CDH12: variants seen among roughly 807,000 people sequenced by gnomAD.
The protein encoded by CDH12 is cadherin 12.
In CDH12, 41 loss-of-function variants were observed where a neutral mutation model predicts 74.1. The ratio of observed to expected loss-of-function variants is 0.55; its 90% CI spans 0.43 to 0.72. The LOEUF (loss-of-function observed/expected upper bound fraction) is 0.72, where lower values mean the gene tolerates loss of function less well. CDH12 is among the 30% of genes least tolerant of loss of function. The pLI is 0.00. For missense variants in CDH12, 945 were observed against 977.2 expected (o/e 0.97, Z 0.44); for synonymous variants, 399 against 355.0 (o/e 1.12, Z -1.39).
At chr5:21,996,450 A>G (rs1174018925) in intron 5 of CDH12, among the ~76,000 whole-genome samples, 2 of 152,186 alleles carry the variant, frequency 1.3e-5, no homozygotes. Context: ...CTTAGAGAAC[A>G]TTGTTTCAAT....
rs1007284905 is a variant in CDH12, at chr5:22,769,759, G to A, written c.-523+83299C>T. ...ATGGATATAATGGGGGAGTGGGGTG[G>A]GTAACCAAAACAATACAAATAGTAT... is the stretch of plus-strand genomic sequence containing the variant. On this transcript the variant is annotated intron_variant, in intron 1 of 14. Coordinates refer to ENST00000382254, the MANE Select transcript of CDH12 (RefSeq NM_004061.5). 6.6e-5 allele frequency among the ~76,000 whole-genome samples: 10 copies of A among 151,552 alleles called. No individual in the cohort carries two copies. In the South Asian group the frequency reaches 1.7e-3, roughly 25 times the overall value.
At chr5:22,547,601 C>T (rs1738391155) in intron 1 of CDH12, among the ~76,000 whole-genome samples, 1 of 152,064 alleles carries the variant, frequency 6.6e-6, no homozygotes, top group South Asian at 2.1e-4. Context: ...TGTACAGTAA[C>T]ATATTCCAGA....
At chr5:22,439,369 TTAAA>T (rs764373469) in intron 2 of CDH12, among the ~76,000 whole-genome samples, 1 of 151,992 alleles carries the variant, frequency 6.6e-6, no homozygotes, top group Non-Finnish European at 1.5e-5. Context: ...CAAAAAATCA[TTAAA>T]TAAACTTTAG....
intron 1 of CDH12, among the ~76,000 whole-genome samples, chr5:22,656,174 T>C (rs913900568): frequency 6.6e-6 from 1 of 152,188 alleles, no homozygotes; most frequent in Non-Finnish European, 1.5e-5. Flanking sequence ...GGTGGTTATA[T>C]TTCAAGAGTT....
At chr5:21,997,156 C>G (rs1736347461) in intron 5 of CDH12, among the ~76,000 whole-genome samples, 1 of 152,108 alleles carries the variant, frequency 6.6e-6, no homozygotes, top group Non-Finnish European at 1.5e-5. Flanking sequence ...ATTTGTCCAG[C>G]ATATTGCAGC....
At chr5:22,548,156 TA>T (rs1221505647) in intron 1 of CDH12, among the ~76,000 whole-genome samples, 1 of 152,208 alleles carries the variant, frequency 6.6e-6, no homozygotes, top group Non-Finnish European at 1.5e-5. Context: ...TATACTCCCA[TA>T]ATAACTTTAA....
At chr5:21,909,481 C>T (rs376151812) in intron 6 of CDH12, among the ~76,000 whole-genome samples, 7 of 151,972 alleles carry the variant, frequency 4.6e-5, no homozygotes, top group Admixed American at 1.3e-4. Context: ...AGAAATGTAA[C>T]GAGTTGTCAC....
chr5:21,898,618 C>A (rs548428519), intron 6 of CDH12, among the ~76,000 whole-genome samples: 1 of 152,074 alleles, frequency 6.6e-6, no homozygotes, highest in Non-Finnish European at 1.5e-5. Flanking sequence ...AGGAGAATGG[C>A]GTGAACTTGG....
intron 6 of CDH12, among the ~76,000 whole-genome samples, chr5:21,880,631 CTTTCTTTCTTTCTTTCTT>C (rs1561268610): frequency 3.5e-5 from 3 of 84,996 alleles, no homozygotes; most frequent in African/African-American, 1.3e-4. Flanking sequence ...TTCTTTCTTT[CTTTCTTTCTTTCTTTCTT>C]TCTTTCTTTC....
chr5:21,873,231 T>C (rs553307137), intron 6 of CDH12, among the ~76,000 whole-genome samples: 1 of 152,324 alleles, frequency 6.6e-6, no homozygotes, highest in Admixed American at 6.5e-5. Flanking sequence ...TACCTCCATG[T>C]ACATTAGATG....
intron 10 of CDH12, among the ~76,000 whole-genome samples, chr5:21,801,718 C>G (rs2149922259): frequency 1.3e-5 from 2 of 152,256 alleles, no homozygotes; most frequent in Middle Eastern, 6.8e-3. Flanking sequence ...AAATGACATG[C>G]AAATTGCAAT....
At chr5:22,729,630 G>A (rs548858490) in intron 1 of CDH12, among the ~76,000 whole-genome samples, 1 of 151,818 alleles carries the variant, frequency 6.6e-6, no homozygotes, top group Non-Finnish European at 1.5e-5. Flanking sequence ...TATTTTTTCA[G>A]TTTTTTGGTG....
intron 2 of CDH12, among the ~76,000 whole-genome samples, chr5:22,444,245 C>T (rs547544011): frequency 6.6e-6 from 1 of 151,904 alleles, no homozygotes; most frequent in South Asian, 2.1e-4. Flanking sequence ...AATATACATG[C>T]ACACACACAC....
At chr5:22,730,882 A>G (rs1246004990) in intron 1 of CDH12, among the ~76,000 whole-genome samples, 1 of 151,904 alleles carries the variant, frequency 6.6e-6, no homozygotes, top group Admixed American at 6.6e-5. Context: ...TAAAAGATTA[A>G]AACAGAAGAA....
chr5:21,891,872 G>A (rs1008245042), intron 6 of CDH12, among the ~76,000 whole-genome samples: 3 of 152,006 alleles, frequency 2.0e-5, no homozygotes, highest in African/African-American at 4.8e-5. Flanking sequence ...AGGAAGGAAG[G>A]AAGGAAAAGA....
intron 1 of CDH12, among the ~76,000 whole-genome samples, chr5:22,700,492 G>A (rs750723060): frequency 1.3e-5 from 2 of 152,158 alleles, no homozygotes; most frequent in Non-Finnish European, 2.9e-5. Flanking sequence ...TCCAAACCTT[G>A]TTATGTTATT....
intron 1 of CDH12, among the ~76,000 whole-genome samples, chr5:22,537,067 T>C (rs537374337): frequency 2.0e-4 from 31 of 152,342 alleles, no homozygotes; most frequent in African/African-American, 6.5e-4. Context: ...CCTTTTATTA[T>C]GACCTTGAGA....
chr5:22,389,002 T>C (rs1324520972), intron 3 of CDH12, among the ~76,000 whole-genome samples: 1 of 152,224 alleles, frequency 6.6e-6, no homozygotes, highest in Non-Finnish European at 1.5e-5. Context: ...TCTTTTCTTA[T>C]GGTTCTTGAC....
chr5:21,765,219 C>T, intron 11 of CDH12, 120 bp from the exon 12 acceptor site: 1 of 779,000 alleles, frequency 1.3e-6, no homozygotes, highest in East Asian at 3.3e-5. Flanking sequence ...AAAAATCCTT[C>T]TTATAGGAAA....
Sources: gnomAD v4.1 joint callset for allele counts (sites outside exome capture counted in the v4.1 genomes callset) on GRCh38, gnomAD v4.1.1 for gene constraint, MANE v1.5 for transcripts, NCBI Gene and HGNC (gene_info 2026-07-23, HGNC 2026-07-21) for gene names.